The following MYRIP variants were observed in gnomAD, a reference collection of about 807,000 sequenced individuals.
The protein encoded by MYRIP is rab effector MyRIP.
In MYRIP, 49 loss-of-function variants were observed where a neutral mutation model predicts 98.0. The observed-to-expected ratio is 0.50, with a 90% CI of 0.40 to 0.63. The LOEUF (loss-of-function observed/expected upper bound fraction) is 0.63. MYRIP is among the 30% of genes least tolerant of loss of function. The probability of loss-of-function intolerance (pLI) is 0.00; values close to 1 mark genes in which losing one functional copy is unlikely to be tolerated. For missense variants in MYRIP, 1,004 were observed against 1,058.2 expected, an observed-to-expected ratio of 0.95 and a Z score of 0.71; for synonymous variants, 404 against 409.5, an observed-to-expected ratio of 0.99 and a Z score of 0.16.
At chr3:39,895,757 T>C (rs1943592147) in intron 1 of MYRIP, among the ~76,000 whole-genome samples, 1 of 152,176 alleles carries the variant, frequency 6.6e-6, no homozygotes, top group Non-Finnish European at 1.5e-5. Flanking sequence ...AAATGGGCAA[T>C]GTCAAAAAGT....
chr3:40,024,769 G>T (rs1464451135), intron 2 of MYRIP, among the ~76,000 whole-genome samples: 2 of 152,086 alleles, frequency 1.3e-5, no homozygotes, highest in African/African-American at 4.8e-5. Flanking sequence ...CCTGCTCAAG[G>T]TCAGGAGTGG....
intron 3 of MYRIP, among the ~76,000 whole-genome samples, chr3:40,045,097 T>C (rs1474796432): frequency 6.6e-6 from 1 of 152,170 alleles, no homozygotes; most frequent in Admixed American, 6.5e-5. Context: ...GAGCAGGTCC[T>C]GGGAGCACAC....
intron 2 of MYRIP, among the ~76,000 whole-genome samples, chr3:39,982,380 AT>A (rs1294522932): frequency 6.6e-6 from 1 of 152,146 alleles, no homozygotes; most frequent in Non-Finnish European, 1.5e-5. Context: ...TATAGGTTTG[AT>A]CTTCTGATGT....
chr3:39,841,214 A>G (rs1454940763), intron 1 of MYRIP, among the ~76,000 whole-genome samples: 1 of 151,986 alleles, frequency 6.6e-6, no homozygotes, highest in Non-Finnish European at 1.5e-5. Flanking sequence ...TTGATCTTCA[A>G]TCGCTGATAT....
At chr3:39,917,820 A>G (rs971049770) in intron 2 of MYRIP, among the ~76,000 whole-genome samples, 9 of 152,302 alleles carry the variant, frequency 5.9e-5, no homozygotes, top group Non-Finnish European at 2.9e-5. Context: ...TTATAACTTA[A>G]TGTTAAGCCT....
At chr3:39,865,190 T>C (rs894428862) in intron 1 of MYRIP, among the ~76,000 whole-genome samples, 3 of 152,108 alleles carry the variant, frequency 2.0e-5, no homozygotes, top group South Asian at 2.1e-4. Flanking sequence ...AACTGAAAAC[T>C]ATAAAAACCT....
chr3:39,939,962 T>C (rs1404522974), intron 2 of MYRIP, among the ~76,000 whole-genome samples: 2 of 152,078 alleles, frequency 1.3e-5, no homozygotes, highest in Admixed American at 6.6e-5. Context: ...TGTGTAGATA[T>C]ACACATGTTA....
At position 40,060,596 on chromosome 3, in the gene MYRIP, T is replaced by A. The variant is rs537348296; in HGVS notation, c.332+16325T>A. 1.3e-3 allele frequency among the ~76,000 whole-genome samples: 184 copies of A among 138,890 alleles called. 1 individual carries two copies. Among genetic ancestry groups the A allele is most frequent in the African/African-American group, 4.8e-3 (181 of 37,450 alleles). The allele number at this position is 138,890 out of a possible 152,430, so 91.1% of individuals were successfully genotyped here. Reference sequence around the variant, plus strand: ...TAGATTTTCTTTTTTTTTCTTTTTTTGAGAGAGAGAGAGAGAGAGAGATTC... The same window carrying A: ...TAGATTTTCTTTTTTTTTCTTTTTTAGAGAGAGAGAGAGAGAGAGAGATTC... On this transcript the variant is annotated intron_variant, in intron 3 of 16. Transcript: ENST00000302541.
chr3:39,991,616 CCAT>C, intron 2 of MYRIP, among the ~76,000 whole-genome samples: 1 of 152,320 alleles, frequency 6.6e-6, no homozygotes, highest in East Asian at 1.9e-4. Flanking sequence ...GCTTCTCTCT[CCAT>C]AACCTTTGCA....
At chr3:39,952,699 AG>A (rs1439040221) in intron 2 of MYRIP, among the ~76,000 whole-genome samples, 2 of 152,084 alleles carry the variant, frequency 1.3e-5, no homozygotes, top group African/African-American at 4.8e-5. Flanking sequence ...TTCCTCAATG[AG>A]GTTGTGAAGG....
chr3:40,190,544 T>C, intron 10 of MYRIP, 81 bp downstream of exon 10: 1 of 1,494,450 alleles, frequency 6.7e-7, no homozygotes, highest in South Asian at 1.4e-5. Context: ...TGGCATAGAG[T>C]CCTGGGTTTG....
chr3:40,073,131 A>T (rs555591822), intron 3 of MYRIP, among the ~76,000 whole-genome samples: 1 of 152,348 alleles, frequency 6.6e-6, no homozygotes, highest in South Asian at 2.1e-4. Flanking sequence ...AGCTAAAATT[A>T]TCCTGACTCT....
Position 40,258,189 on chromosome 3 carries a change from T to A in MYRIP, c.*23T>A, listed in dbSNP as rs905509325. ...TGACACCATGGAATTCCACTGCCAG[T>A]GACCCACTGCCTCCGGCCGTACACG... is the stretch of plus-strand genomic sequence containing the variant. On this transcript the variant is annotated 3_prime_UTR_variant, in exon 17 of 17. Transcript: ENST00000302541. 6.2e-7 allele frequency: 1 copy of A among 1,614,158 alleles called. No individual in the cohort carries two copies. The highest frequency in any genetic ancestry group is 8.5e-7 in the Non-Finnish European group (1 of 1,179,972).
At chr3:40,072,456 A>G (rs1467872563) in intron 3 of MYRIP, among the ~76,000 whole-genome samples, 6 of 152,034 alleles carry the variant, frequency 3.9e-5, no homozygotes, top group African/African-American at 1.4e-4. Context: ...ATCCAACCAC[A>G]TTGGCCTCCT....
chr3:40,095,442 C>A (rs1010044129), intron 3 of MYRIP, among the ~76,000 whole-genome samples: 3 of 152,154 alleles, frequency 2.0e-5, no homozygotes, highest in African/African-American at 7.2e-5. Flanking sequence ...ACCCAGAGCC[C>A]ACGAGCCTGG....
At chr3:39,910,913 A>G (rs1372722566) in intron 2 of MYRIP, among the ~76,000 whole-genome samples, 1 of 152,198 alleles carries the variant, frequency 6.6e-6, no homozygotes, top group African/African-American at 2.4e-5. Flanking sequence ...AGAGCCAGCT[A>G]AAGTTTTAGC....
chr3:39,920,078 T>C (rs1473314137), intron 2 of MYRIP, among the ~76,000 whole-genome samples: 1 of 151,948 alleles, frequency 6.6e-6, no homozygotes, highest in Admixed American at 6.6e-5. Flanking sequence ...ATGAAAGCCC[T>C]ATATTAATAA....
At chr3:40,032,067 T>A (rs1213725526) in intron 2 of MYRIP, among the ~76,000 whole-genome samples, 1 of 152,148 alleles carries the variant, frequency 6.6e-6, no homozygotes, top group Admixed American at 6.6e-5. Context: ...TCTAGTTCTT[T>A]TAATTGTGAT....
At chr3:39,992,256 G>A (rs763406434) in intron 2 of MYRIP, among the ~76,000 whole-genome samples, 5 of 151,818 alleles carry the variant, frequency 3.3e-5, no homozygotes, top group East Asian at 1.9e-4. Flanking sequence ...TTTCATCCCC[G>A]GACTCTTTCC....
Sources: allele counts gnomAD v4.1 joint callset (sites outside exome capture counted in the v4.1 genomes callset), GRCh38; gene constraint gnomAD v4.1.1; transcripts MANE v1.5; gene names NCBI Gene and HGNC (gene_info 2026-07-23, HGNC 2026-07-21).